Variants in THSD7B observed in about 807,000 individuals in gnomAD.
THSD7B encodes thrombospondin type 1 domain containing 7B.
THSD7B carries 138 observed loss-of-function variants against 213.6 expected under a neutral mutation model. That is an observed-to-expected ratio of 0.65 (90% confidence interval 0.56 to 0.74). THSD7B has a LOEUF of 0.74. Among genes scored for constraint, THSD7B ranks in the 30% least tolerant of loss-of-function variants. THSD7B has a pLI of 0.00. For missense variants in THSD7B, 1,931 were observed against 1,991.5 expected (o/e 0.97, Z 0.58); for synonymous variants, 742 against 687.0 (o/e 1.08, Z -1.25).
At chr2:137,358,478 A>T (rs1035713457) in intron 12 of THSD7B, among the ~76,000 whole-genome samples, 12 of 152,170 alleles carry the variant, frequency 7.9e-5, no homozygotes, top group African/African-American at 2.7e-4. Flanking sequence ...ACCGAAAAAA[A>T]TTTTTTAAAG....
At chr2:137,423,183 T>G (rs915474886) in intron 14 of THSD7B, among the ~76,000 whole-genome samples, 3 of 152,236 alleles carry the variant, frequency 2.0e-5, no homozygotes, top group Middle Eastern at 3.4e-3. Flanking sequence ...AGTAACTTTC[T>G]CTACCTTGAT....
At chr2:137,440,296 C>T (rs1687376014) in intron 14 of THSD7B, among the ~76,000 whole-genome samples, 1 of 152,078 alleles carries the variant, frequency 6.6e-6, no homozygotes, top group Admixed American at 6.6e-5. Context: ...TCTGCTCCAA[C>T]ACTGGCTGGT....
At chr2:137,387,330 A>G (rs967066312) in intron 12 of THSD7B, among the ~76,000 whole-genome samples, 1 of 152,204 alleles carries the variant, frequency 6.6e-6, no homozygotes, top group African/African-American at 2.4e-5. Context: ...AAGGATACTC[A>G]GCTGTCCCAG....
chr2:137,462,678 T>G (rs1687907671), intron 15 of THSD7B, among the ~76,000 whole-genome samples: 1 of 151,832 alleles, frequency 6.6e-6, no homozygotes, highest in African/African-American at 2.4e-5. Context: ...CCAAATAAAC[T>G]CTCTATATTA....
At chr2:137,361,664 G>T (rs185956739) in intron 12 of THSD7B, among the ~76,000 whole-genome samples, 1 of 152,136 alleles carries the variant, frequency 6.6e-6, no homozygotes, top group African/African-American at 2.4e-5. Context: ...GAAATGAAGC[G>T]CGAAGAGAAG....
At chr2:137,006,848 G>A (rs1270679162) in intron 2 of THSD7B, among the ~76,000 whole-genome samples, 1 of 152,118 alleles carries the variant, frequency 6.6e-6, no homozygotes, top group African/African-American at 2.4e-5. Context: ...AGTTTTAAAA[G>A]ATTTCTCATT....
chr2:137,112,709 G>A (rs1688370709), intron 4 of THSD7B, among the ~76,000 whole-genome samples: 1 of 151,862 alleles, frequency 6.6e-6, no homozygotes, highest in South Asian at 2.1e-4. Flanking sequence ...GGCAACTGTG[G>A]ATCTCTAATA....
intron 12 of THSD7B, among the ~76,000 whole-genome samples, chr2:137,370,688 T>G (rs962481933): frequency 3.3e-5 from 5 of 151,958 alleles, no homozygotes; most frequent in African/African-American, 1.2e-4. Context: ...AGGCTGGTCT[T>G]GAACTCCTGA....
chr2:137,635,426 A>C (rs1405413235), intron 20 of THSD7B, among the ~76,000 whole-genome samples: 3 of 152,240 alleles, frequency 2.0e-5, no homozygotes, highest in African/African-American at 7.2e-5. Context: ...GCATGAGGAT[A>C]TGTATGGCAG....
chr2:136,927,683 G>T (rs28407530), intron 2 of THSD7B, among the ~76,000 whole-genome samples: 11,264 of 152,256 alleles, frequency 0.074, 672 homozygotes, highest in African/African-American at 0.16. Flanking sequence ...TCTGGGGAAT[G>T]AAGTCTACTT....
At chr2:137,286,658 A>T (rs1326291776) in intron 12 of THSD7B, among the ~76,000 whole-genome samples, 1 of 151,640 alleles carries the variant, frequency 6.6e-6, no homozygotes, top group Non-Finnish European at 1.5e-5. Context: ...GAACAATAGC[A>T]AAAAAACAGA....
At chr2:137,121,582 G>A (rs111626853) in intron 5 of THSD7B, among the ~76,000 whole-genome samples, 54 of 152,224 alleles carry the variant, frequency 3.5e-4, no homozygotes, top group African/African-American at 1.3e-3. Flanking sequence ...ACAAGTAATA[G>A]TTCAGCTTTC....
Position 137,215,948 on chromosome 2 carries a change from A to G in THSD7B, c.1724-15096A>G, listed in dbSNP as rs529401516. Among the ~76,000 whole-genome samples, 7 of 152,284 alleles carry G rather than the reference A, an allele frequency of 4.6e-5. No homozygotes were observed. In the South Asian group the frequency reaches 1.0e-3, roughly 23 times the overall value. ...TTCTATTTGCAGTGTCAATGTTTCA[A>G]TATTTTATGAAATTAGCAAAGCTTT... On this transcript the variant is annotated intron_variant, in intron 7 of 27. Transcript: ENST00000409968.
chr2:136,831,714 T>C (rs778781929), intron 1 of THSD7B, among the ~76,000 whole-genome samples: 1 of 152,200 alleles, frequency 6.6e-6, no homozygotes, highest in Non-Finnish European at 1.5e-5. Context: ...GTGTTAGAGT[T>C]GAATGGTTTT....
In THSD7B at chr2:136,962,259, C is replaced by T. The variant is rs557927972; in HGVS notation, c.139+79942C>T. 9.7e-4 allele frequency among the ~76,000 whole-genome samples: 148 copies of T among 152,276 alleles called. 4 individuals are homozygous for T. In the South Asian group the frequency reaches 0.019, roughly 19 times the overall value. ...CAGAAGGAACTAACCCTGCTGACAG[C>T]TTGGTTTTTAGCCCAGTGAGATTTA... On this transcript the variant is annotated intron_variant, in intron 2 of 27. Coordinates refer to ENST00000409968, the MANE Select transcript of THSD7B (RefSeq NM_001316349.2).
chr2:137,112,918 G>A (rs1688374770), intron 4 of THSD7B, among the ~76,000 whole-genome samples: 1 of 152,100 alleles, frequency 6.6e-6, no homozygotes, highest in African/African-American at 2.4e-5. Flanking sequence ...CCCTTGTACA[G>A]GTAGGAAAAC....
At chr2:137,281,146 A>T (rs1682999800) in intron 12 of THSD7B, among the ~76,000 whole-genome samples, 1 of 152,098 alleles carries the variant, frequency 6.6e-6, no homozygotes. Context: ...TAGGTGGACC[A>T]AAAGAGGCAG....
At chr2:137,165,762 T>TAC (rs10582774) in intron 6 of THSD7B, among the ~76,000 whole-genome samples, 3,635 of 149,750 alleles carry the variant, frequency 0.024, 50 homozygotes, top group Admixed American at 0.028. Context: ...TCTTAAAAAA[T>TAC]ACACACACAC....
At chr2:136,833,181 T>C (rs541063345) in intron 1 of THSD7B, among the ~76,000 whole-genome samples, 162 of 151,976 alleles carry the variant, frequency 1.1e-3, no homozygotes, top group African/African-American at 3.8e-3. Context: ...CTGGATAACA[T>C]GGTGAAACCC....
Sources: allele counts gnomAD v4.1 joint callset (sites outside exome capture counted in the v4.1 genomes callset), GRCh38; gene constraint gnomAD v4.1.1; transcripts MANE v1.5; gene names NCBI Gene and HGNC (gene_info 2026-07-23, HGNC 2026-07-21).